LACRT: variants seen among roughly 807,000 people sequenced by gnomAD.
LACRT encodes the protein lacritin.
LACRT carries 14 observed loss-of-function variants against 14.5 expected under a neutral mutation model. The observed-to-expected ratio is 0.96, with a 90% confidence interval of 0.64 to 1.51. The LOEUF (loss-of-function observed/expected upper bound fraction) is 1.51. LACRT is among the 40% of genes most tolerant of loss of function. LACRT has a pLI of 0.00. For missense variants in LACRT, 156 were observed against 161.8 expected, an observed-to-expected ratio of 0.96 and a Z score of 0.19; for synonymous variants, 70 against 63.5, an observed-to-expected ratio of 1.10 and a Z score of -0.48.
chr12:54,632,792 G>T (rs1257699252), intron 2 of LACRT, among the ~76,000 whole-genome samples: 3 of 152,122 alleles, frequency 2.0e-5, no homozygotes, highest in Non-Finnish European at 2.9e-5. Context: ...ATGGAAAATG[G>T]GGTTGGAAAA....
At chr12:54,631,893 G>T in intron 3 of LACRT, 54 bp from the exon 4 acceptor site, 3 of 1,308,420 alleles carry the variant, frequency 2.3e-6, no homozygotes, top group Non-Finnish European at 2.2e-6. Flanking sequence ...CATTTAAAGA[G>T]AACTCTGCAT....
rs1419778181 is a variant in LACRT at position 54,630,816 on chromosome 12, T to C, written c.*76A>G. On this transcript the variant is annotated 3_prime_UTR_variant, in exon 5 of 5. Coordinates refer to ENST00000257867, the MANE Select transcript of LACRT (RefSeq NM_033277.2). Reference sequence around the variant, plus strand: ...GAGCACAGGCACACAGCAAGTTGGATGCTTTCGTTTTAATAGCTCTGGGCT... The same window carrying C: ...GAGCACAGGCACACAGCAAGTTGGACGCTTTCGTTTTAATAGCTCTGGGCT... The C allele has an allele frequency of 1.7e-6, 2 of 1,146,374 alleles. No individual in the cohort carries two copies. Among genetic ancestry groups the C allele is most frequent in the Non-Finnish European group, 2.6e-6 (2 of 760,486 alleles). 71.0% of individuals were successfully genotyped at this position (1,146,374 alleles called of 1,614,324 possible).
Position 54,632,394 on chromosome 12 carries a change from A to G in LACRT, c.113-13T>C. 1 of 1,612,502 alleles carries G rather than the reference A, an allele frequency of 6.2e-7. No homozygotes were observed. On this transcript the variant is annotated splice_polypyrimidine_tract_variant and intron_variant, in intron 2 of 4. Coordinates refer to ENST00000257867, the MANE Select transcript of LACRT (RefSeq NM_033277.2). ...TCATTAGGCTTAGCTGTGAATGCAC[A>G]AATTGATGGATTTTAGCAAAGTGAA...
rs2121270498 is a variant in LACRT at position 54,632,271 on chromosome 12, T to C, written c.223A>G (p.Thr75Ala). ...GGGTTTAGTTCCTGCCTGCTTGAGG[T>C]GACCTTGGCTGTCCCCTGAACTGCT... ...AAAVQGTAKV[T>A]SSRQELNPLK... The change falls in exon 3 of 5, where the codon ACC (threonine) becomes GCC (alanine). Residue 75 changes from threonine to alanine, a missense_variant. Thr to Ala is a moderately conservative substitution (Grantham distance 58). Transcript: ENST00000257867. 1.2e-6 allele frequency: 2 copies of C among 1,614,090 alleles called. No homozygotes were observed. The highest frequency in any genetic ancestry group is 1.7e-6 in the Non-Finnish European group (2 of 1,179,984).
At chr12:54,631,705 T>C (rs1958152629) in intron 4 of LACRT, 33 bp downstream of exon 4, 2 of 1,511,822 alleles carry the variant, frequency 1.3e-6, no homozygotes, top group African/African-American at 1.4e-5. Context: ...AGTATTCTCA[T>C]TCCCACAAAG....
intron 2 of LACRT, 125 bp downstream of exon 2, chr12:54,633,055 C>T (rs973067397): frequency 2.2e-6 from 2 of 915,438 alleles, no homozygotes; most frequent in African/African-American, 3.2e-5. Flanking sequence ...CCTGCCCCTC[C>T]CCATTACCAC....
At chr12:54,633,483 C>G (rs1488275037) in intron 1 of LACRT, among the ~76,000 whole-genome samples, 3 of 152,118 alleles carry the variant, frequency 2.0e-5, no homozygotes, top group Non-Finnish European at 4.4e-5. Flanking sequence ...GGAACAGTGC[C>G]TTCCTCCTGA....
At chr12:54,631,685 G>A in intron 4 of LACRT, 53 bp downstream of exon 4, 1 of 1,336,042 alleles carries the variant, frequency 7.5e-7, no homozygotes, top group South Asian at 1.2e-5. Context: ...CCCCCGGATG[G>A]TGGGTGGTGA....
chr12:54,631,915 C>T (rs1958154788), intron 3 of LACRT, 76 bp from the exon 4 acceptor site: 1 of 782,124 alleles, frequency 1.3e-6, no homozygotes, highest in African/African-American at 1.9e-5. Context: ...GCCCCACCTG[C>T]ACCCGCCCCC....
rs1958162049 is a variant in LACRT at position 54,632,814 on chromosome 12, G to A, written c.112+366C>T. Among the ~76,000 whole-genome samples the A allele has an allele frequency of 2.0e-5, 3 of 152,056 alleles. No individual in the cohort carries two copies. The South Asian group carries it at 6.2e-4, about 32-fold the overall frequency. On this transcript the variant is annotated intron_variant, in intron 2 of 4. Transcript: ENST00000257867. The stretch of plus-strand genomic sequence containing the variant: ...ATGGGGTTGGAAAATGAGGTTAGAG[G>A]CCAGATAATGGTTATCTTGCTAAGG...
At chr12:54,634,419 T>C (rs1958174742) in intron 1 of LACRT, among the ~76,000 whole-genome samples, 1 of 151,662 alleles carries the variant, frequency 6.6e-6, no homozygotes, top group Non-Finnish European at 1.5e-5. Flanking sequence ...GGCTCACTGC[T>C]TGGCAAGTAG....
At position 54,632,442 on chromosome 12, in the gene LACRT, G is replaced by T. The variant is rs115814965; in HGVS notation, c.113-61C>A. 9.5e-5 allele frequency: 152 copies of T among 1,594,982 alleles called. No individual in the cohort carries two copies. The African/African-American group carries it at 1.6e-3, about 17-fold the overall frequency. On this transcript the variant is annotated intron_variant, in intron 2 of 4. Coordinates refer to ENST00000257867, the MANE Select transcript of LACRT (RefSeq NM_033277.2). ...GAAAGTGTTTGTTTCTTTTGGAATG[G>T]GTTGCAGGGCCCCAGGATACCTAAT...
Position 54,632,386 on chromosome 12 carries a change from GA to G in LACRT, c.113-6del. 1 of 1,613,014 alleles carries G rather than the reference GA, an allele frequency of 6.2e-7. No individual in the cohort carries two copies. The highest frequency in any genetic ancestry group is 8.5e-7 in the Non-Finnish European group (1 of 1,179,538). On this transcript the variant is annotated splice_region_variant and splice_polypyrimidine_tract_variant and intron_variant, in intron 2 of 4. Coordinates refer to ENST00000257867, the MANE Select transcript of LACRT (RefSeq NM_033277.2). ...AGATCTCTTCATTAGGCTTAGCTGT[GA>G]ATGCACAAATTGATGGATTTTAGCA...
Position 54,634,243 on chromosome 12 carries a change from C to A in LACRT, c.58+541G>T, listed in dbSNP as rs769186608. On this transcript the variant is annotated intron_variant, in intron 1 of 4. Coordinates refer to ENST00000257867, the MANE Select transcript of LACRT (RefSeq NM_033277.2). ...GGCATGAGCCTGTAGTCCCAGCTAC[C>A]CAGGAGGCTGAGGCAAGATAATCGC... 9.3e-4 allele frequency among the ~76,000 whole-genome samples: 141 copies of A among 151,648 alleles called. 5 individuals are homozygous for A. Among genetic ancestry groups the A allele is most frequent in the Non-Finnish European group, 1.9e-4 (13 of 67,930 alleles).
chr12:54,634,351 CAAAAA>C (rs10561513), intron 1 of LACRT, among the ~76,000 whole-genome samples: 2 of 94,996 alleles, frequency 2.1e-5, no homozygotes, highest in Non-Finnish European at 2.1e-5. Flanking sequence ...GACTCGGTCT[CAAAAA>C]AAAAAAAAAA....
At chr12:54,631,183 C>G (rs556494815) in intron 4 of LACRT, among the ~76,000 whole-genome samples, 1 of 152,150 alleles carries the variant, frequency 6.6e-6, no homozygotes, top group Non-Finnish European at 1.5e-5. Context: ...GGCTCTGCTG[C>G]GGGAAGGTAG....
rs767942545 is a variant in LACRT, at chr12:54,633,252, G to T, written c.59-19C>A. ...GCATCTTCTGCAATGGGGGAAACAT[G>T]CCAGATGAGAGCAAGGACCGAACCG... is the stretch of plus-strand genomic sequence containing the variant. On this transcript the variant is annotated intron_variant, in intron 1 of 4. Transcript: ENST00000257867. The T allele has an allele frequency of 6.2e-7, 1 of 1,612,676 alleles. No individual in the cohort carries two copies. The highest frequency in any genetic ancestry group is 1.3e-5 in the African/African-American group (1 of 74,874).
chr12:54,633,122 T>A, intron 2 of LACRT, 58 bp downstream of exon 2: 1 of 1,535,670 alleles, frequency 6.5e-7, no homozygotes, highest in East Asian at 2.2e-5. Context: ...ACCACTCACA[T>A]CCCTAACTGT....
At chr12:54,634,740 A>C (rs756694518) in intron 1 of LACRT, 44 bp downstream of exon 1, 1 of 1,567,380 alleles carries the variant, frequency 6.4e-7, no homozygotes, top group African/African-American at 1.4e-5. Context: ...GGCTCCTTGG[A>C]CTGGGAGGAC....
Sources: gnomAD v4.1 joint callset for allele counts (sites outside exome capture counted in the v4.1 genomes callset) on GRCh38, gnomAD v4.1.1 for gene constraint, MANE v1.5 for transcripts, NCBI Gene and HGNC (gene_info 2026-07-23, HGNC 2026-07-21) for gene names.